The following TENM4 variants were observed in gnomAD, a reference collection of about 807,000 sequenced individuals.
TENM4 encodes the protein teneurin transmembrane protein 4.
In TENM4, 82 loss-of-function variants were observed where a neutral mutation model predicts 243.3. That is an observed-to-expected ratio of 0.34 (90% CI 0.28 to 0.40). TENM4 has a LOEUF of 0.40. Among genes scored for constraint, TENM4 ranks in the 10% least tolerant of loss-of-function variants. The pLI is 1.00. For missense variants in TENM4, 3,138 were observed against 3,673.3 expected, an observed-to-expected ratio of 0.85 and a Z score of 3.77; for synonymous variants, 1,412 against 1,456.3, an observed-to-expected ratio of 0.97 and a Z score of 0.69.
intron 1 of TENM4, among the ~76,000 whole-genome samples, chr11:79,361,675 AAAG>A (rs1374239687): frequency 3.3e-5 from 5 of 152,226 alleles, no homozygotes; most frequent in Non-Finnish European, 5.9e-5. Context: ...ACTACTTTGA[AAAG>A]AAGAAGAAAG....
At chr11:79,333,112 C>T (rs1215186356) in intron 1 of TENM4, among the ~76,000 whole-genome samples, 2 of 152,156 alleles carry the variant, frequency 1.3e-5, no homozygotes, top group Non-Finnish European at 2.9e-5. Flanking sequence ...CAGCAGTCTT[C>T]CCTATCCCCA....
intron 6 of TENM4, among the ~76,000 whole-genome samples, chr11:79,062,464 T>C (rs150315774): frequency 3.3e-4 from 51 of 152,294 alleles, no homozygotes; most frequent in African/African-American, 1.2e-3. Flanking sequence ...TGTGGTCAAA[T>C]TGATTTGGGG....
chr11:78,805,603 A>C, intron 14 of TENM4, 111 bp from the exon 15 acceptor site: 7 of 1,289,446 alleles, frequency 5.4e-6, no homozygotes, highest in Non-Finnish European at 7.6e-6. Context: ...ATTCTGGCAG[A>C]AGGATGCATA....
chr11:79,252,271 G>A (rs1855624455), intron 2 of TENM4, among the ~76,000 whole-genome samples: 1 of 152,218 alleles, frequency 6.6e-6, no homozygotes, highest in Admixed American at 6.5e-5. Flanking sequence ...GTCTTGCTCT[G>A]TCGCCCAGGC....
intron 4 of TENM4, among the ~76,000 whole-genome samples, chr11:79,129,904 G>A (rs865982393): frequency 3.3e-5 from 5 of 152,146 alleles, no homozygotes; most frequent in Non-Finnish European, 4.4e-5. Flanking sequence ...TCTGGAAAGT[G>A]TCACCTCCTG....
chr11:79,276,673 A>G (rs478837), intron 2 of TENM4, among the ~76,000 whole-genome samples: 66,663 of 151,742 alleles, frequency 0.44, 15,906 homozygotes, highest in Non-Finnish European at 0.55. Flanking sequence ...CCCCTCCAGG[A>G]CTCTCTACAG....
intron 15 of TENM4, among the ~76,000 whole-genome samples, chr11:78,787,615 G>A (rs115035925): frequency 0.018 from 2,699 of 152,234 alleles, 73 homozygotes; most frequent in African/African-American, 0.062. Context: ...GTTGGGGTGC[G>A]GGAGGGAGGC....
At chr11:79,104,749 T>C (rs1861321479) in intron 4 of TENM4, among the ~76,000 whole-genome samples, 1 of 152,224 alleles carries the variant, frequency 6.6e-6, no homozygotes, top group South Asian at 2.1e-4. Flanking sequence ...GTATGTGATA[T>C]TACTAGGCTT....
At position 79,181,243 on chromosome 11, in the gene TENM4, A is replaced by G. The variant is rs189609721; in HGVS notation, c.-162-32437T>C. Among the ~76,000 whole-genome samples, 87 of 152,332 alleles carry G rather than the reference A, an allele frequency of 5.7e-4. 1 individual carries two copies. Among genetic ancestry groups the G allele is most frequent in the Admixed American group, 2.4e-3 (37 of 15,298 alleles). The stretch of plus-strand genomic sequence containing the variant: ...CAATGTACATAAAAAACTACACACC[A>G]TGACTAAATGGGATTTATCCCAGGT... On this transcript the variant is annotated intron_variant, in intron 3 of 33. Coordinates refer to ENST00000278550, the MANE Select transcript of TENM4 (RefSeq NM_001098816.3).
chr11:79,339,289 A>G (rs1461171046), intron 1 of TENM4, among the ~76,000 whole-genome samples: 16 of 152,246 alleles, frequency 1.1e-4, no homozygotes, highest in Admixed American at 1.0e-3. Context: ...GTCCTCATCT[A>G]TAGGGCCGGC....
chr11:79,353,520 T>C (rs1423005486), intron 1 of TENM4, among the ~76,000 whole-genome samples: 1 of 152,192 alleles, frequency 6.6e-6, no homozygotes, highest in Non-Finnish European at 1.5e-5. Context: ...CTAAGCCTCA[T>C]CTGTCACCCC....
At chr11:79,154,958 T>C (rs1257417507) in intron 3 of TENM4, among the ~76,000 whole-genome samples, 1 of 152,190 alleles carries the variant, frequency 6.6e-6, no homozygotes, top group African/African-American at 2.4e-5. Context: ...CAAAAAATAC[T>C]TGTTGAATGA....
Position 79,431,375 on chromosome 11 carries a change from T to C in TENM4, c.-321+9134A>G, listed in dbSNP as rs1208382654. On this transcript the variant is annotated intron_variant, in intron 1 of 33. Coordinates refer to ENST00000278550, the MANE Select transcript of TENM4 (RefSeq NM_001098816.3). ...TATTCCACCCAATTGTTTACCTTTT[T>C]CCTCTCTTTTATAAATAACACTGCA... is the stretch of plus-strand genomic sequence containing the variant. Among the ~76,000 whole-genome samples the C allele has an allele frequency of 2.0e-5, 3 of 152,344 alleles. No individual in the cohort carries two copies. The East Asian group carries it at 5.8e-4, about 29-fold the overall frequency.
chr11:78,854,129 C>T lies in TENM4; in HGVS notation c.1656G>A (p.Val552=). The T allele has an allele frequency of 6.4e-7, 1 of 1,551,634 alleles. No homozygotes were observed. Among genetic ancestry groups the T allele is most frequent in the Non-Finnish European group, 8.7e-7 (1 of 1,146,944 alleles). ...AFYNDGKESE[V]VSFLTTAIES... ...CAATGGCAGTGGTGAGAAAGGAAAC[C>T]ACTTCTGACTCCTTTCCGTCATTGT... The change falls in exon 12 of 34, where the codon GTG becomes GTA. Residue 552 remains valine (V), a synonymous_variant. Transcript: ENST00000278550.
At chr11:79,241,835 C>A (rs1855426560) in intron 2 of TENM4, among the ~76,000 whole-genome samples, 1 of 152,202 alleles carries the variant, frequency 6.6e-6, no homozygotes, top group African/African-American at 2.4e-5. Flanking sequence ...AATCAACCCC[C>A]ACTCATCCCT....
chr11:79,435,264 C>G (rs1045944740), intron 1 of TENM4, among the ~76,000 whole-genome samples: 3 of 152,200 alleles, frequency 2.0e-5, no homozygotes, highest in African/African-American at 7.2e-5. Context: ...TATATAACCC[C>G]GGAAGCAATA....
At position 78,916,784 on chromosome 11, in the gene TENM4, A is replaced by T. The variant is rs550861234; in HGVS notation, c.494-13261T>A. ...TTTTTCAATTTTTTTCAATGATGGG[A>T]TATTTCAGGCCCTAGCATTGGGGTC... On this transcript the variant is annotated intron_variant, in intron 6 of 33. Transcript: ENST00000278550. 3.9e-4 allele frequency among the ~76,000 whole-genome samples: 59 copies of T among 152,286 alleles called. No homozygotes were observed. In the South Asian group the frequency reaches 0.011, roughly 29 times the overall value.
intron 22 of TENM4, among the ~76,000 whole-genome samples, chr11:78,728,173 G>A (rs1324448438): frequency 6.6e-6 from 1 of 152,206 alleles, no homozygotes; most frequent in African/African-American, 2.4e-5. Context: ...CATGAACAGT[G>A]AGAGATGGCA....
intron 23 of TENM4, among the ~76,000 whole-genome samples, chr11:78,723,372 T>C (rs1196190801): frequency 6.6e-6 from 1 of 152,270 alleles, no homozygotes; most frequent in Non-Finnish European, 1.5e-5. Context: ...ATTTCAAGTG[T>C]GGAGACTATG....
Sources: gnomAD v4.1 joint callset for allele counts (sites outside exome capture counted in the v4.1 genomes callset) on GRCh38, gnomAD v4.1.1 for gene constraint, MANE v1.5 for transcripts, NCBI Gene and HGNC (gene_info 2026-07-23, HGNC 2026-07-21) for gene names.